CAMK2D: variants seen among roughly 807,000 people sequenced by gnomAD.
CAMK2D encodes the protein calcium/calmodulin dependent protein kinase II delta, also known as calcium/calmodulin-dependent protein kinase type II subunit delta.
CAMK2D carries 37 observed loss-of-function variants against 84.0 expected under a neutral mutation model. That is an observed-to-expected ratio of 0.44 (90% CI 0.34 to 0.58). The LOEUF is 0.58. Among genes scored for constraint, CAMK2D ranks in the 20% least tolerant of loss-of-function variants. The pLI, the probability that CAMK2D is intolerant of heterozygous loss-of-function variation, is 0.02. For missense variants in CAMK2D, 448 were observed against 652.5 expected, an observed-to-expected ratio of 0.69 and a Z score of 3.41; for synonymous variants, 202 against 212.5, an observed-to-expected ratio of 0.95 and a Z score of 0.43.
intron 2 of CAMK2D, among the ~76,000 whole-genome samples, chr4:113,710,887 A>G (rs1324680951): frequency 6.6e-5 from 10 of 152,316 alleles, no homozygotes; most frequent in Admixed American, 5.9e-4. Context: ...CAACTTCAAT[A>G]GTAAGAGATC....
chr4:113,740,725 C>A (rs913063466), intron 2 of CAMK2D, among the ~76,000 whole-genome samples: 5 of 152,090 alleles, frequency 3.3e-5, no homozygotes, highest in Admixed American at 6.6e-5. Flanking sequence ...CACCTCACAA[C>A]CTTTCCATCA....
intron 2 of CAMK2D, among the ~76,000 whole-genome samples, chr4:113,686,861 T>TACACACAC (rs36009295): frequency 1.3e-5 from 2 of 148,630 alleles, no homozygotes; most frequent in African/African-American, 4.9e-5. Context: ...GGTATGTGTA[T>TACACACAC]ACACACACAC....
rs375784442 is a variant in CAMK2D at position 113,636,325 on chromosome 4, GC to G, written c.220+25387del. Among the ~76,000 whole-genome samples the G allele has an allele frequency of 3.8e-3, 576 of 152,242 alleles. 3 individuals are homozygous for G. The highest frequency in any genetic ancestry group is 0.012 in the South Asian group (60 of 4,814). ...CTGACCACTGTGTTCTATTTCCATT[GC>G]TGCTACCTCAATTCAAGCCACCGAT... On this transcript the variant is annotated intron_variant, in intron 3 of 20. Coordinates refer to ENST00000511664, the MANE Select transcript of CAMK2D (RefSeq NM_001321571.2).
At chr4:113,717,613 T>C (rs2099517639) in intron 2 of CAMK2D, among the ~76,000 whole-genome samples, 1 of 152,158 alleles carries the variant, frequency 6.6e-6, no homozygotes, top group South Asian at 2.1e-4. Context: ...TGAATACCAC[T>C]TGAAATGATT....
intron 2 of CAMK2D, among the ~76,000 whole-genome samples, chr4:113,748,999 C>A (rs1243571894): frequency 6.6e-6 from 1 of 151,756 alleles, no homozygotes; most frequent in Non-Finnish European, 1.5e-5. Context: ...AAATATTCAT[C>A]ATGGATACAA....
intron 3 of CAMK2D, among the ~76,000 whole-genome samples, chr4:113,631,602 C>T (rs537478857): frequency 3.4e-4 from 52 of 152,232 alleles, no homozygotes; most frequent in South Asian, 6.2e-4. Context: ...GCAAGTCATA[C>T]GCCTCAGAAG....
At chr4:113,516,470 G>C (rs1322954364) in intron 9 of CAMK2D, among the ~76,000 whole-genome samples, 1 of 152,188 alleles carries the variant, frequency 6.6e-6, no homozygotes, top group East Asian at 1.9e-4. Flanking sequence ...CGTCTGCCCA[G>C]AGAGGGGCTG....
intron 8 of CAMK2D, among the ~76,000 whole-genome samples, chr4:113,526,475 C>A (rs1347752400): frequency 6.6e-6 from 1 of 150,546 alleles, no homozygotes; most frequent in Non-Finnish European, 1.5e-5. Context: ...TACGTAGTAT[C>A]TATCTAATAT....
chr4:113,667,422 C>T (rs930870964), intron 2 of CAMK2D, among the ~76,000 whole-genome samples: 1 of 152,174 alleles, frequency 6.6e-6, no homozygotes, highest in African/African-American at 2.4e-5. Flanking sequence ...CCTAGAGATC[C>T]TCTCTTAAAG....
Position 113,636,635 on chromosome 4 carries a change from C to T in CAMK2D, c.220+25078G>A, listed in dbSNP as rs1490435013. Among the ~76,000 whole-genome samples, 3 of 152,182 alleles carry T rather than the reference C, an allele frequency of 2.0e-5. No homozygotes were observed. In the East Asian group the frequency reaches 5.8e-4, roughly 29 times the overall value. On this transcript the variant is annotated intron_variant, in intron 3 of 20. Transcript: ENST00000511664. ...AAATTTGGTTTCAGATGAAGACCTG[C>T]TTCCTGGCTTGCAGATAGATGGCCC...
At chr4:113,643,896 C>A (rs1234734590) in intron 3 of CAMK2D, among the ~76,000 whole-genome samples, 1 of 152,098 alleles carries the variant, frequency 6.6e-6, no homozygotes, top group Non-Finnish European at 1.5e-5. Flanking sequence ...TTATGGGGAC[C>A]CAGGCCAGCT....
intron 15 of CAMK2D, 68 bp from the exon 16 acceptor site, chr4:113,500,579 G>T (rs1173176826): frequency 2.9e-6 from 3 of 1,036,422 alleles, no homozygotes; most frequent in African/African-American, 3.2e-5. Flanking sequence ...TTAAAAATTG[G>T]CTAGTGACAT....
intron 8 of CAMK2D, among the ~76,000 whole-genome samples, chr4:113,523,735 G>A (rs1560701829): frequency 6.6e-6 from 1 of 152,036 alleles, no homozygotes; most frequent in Non-Finnish European, 1.5e-5. Flanking sequence ...TGGTGCCACT[G>A]CACCCCAGCT....
chr4:113,667,988 GA>G (rs146513989), intron 2 of CAMK2D, among the ~76,000 whole-genome samples: 13,451 of 152,010 alleles, frequency 0.088, 762 homozygotes, highest in East Asian at 0.22. Flanking sequence ...ATTTAGAAGT[GA>G]AACTTTTTGA....
At chr4:113,471,459 G>C (rs2097545868) in intron 16 of CAMK2D, among the ~76,000 whole-genome samples, 1 of 152,098 alleles carries the variant, frequency 6.6e-6, no homozygotes, top group African/African-American at 2.4e-5. Context: ...TTCAGACCCA[G>C]GGTGCCCAAA....
At chr4:113,627,343 T>G (rs1561455730) in intron 3 of CAMK2D, among the ~76,000 whole-genome samples, 2 of 152,188 alleles carry the variant, frequency 1.3e-5, no homozygotes, top group South Asian at 4.1e-4. Flanking sequence ...TCTGCAGTAG[T>G]TATGTTCTAT....
chr4:113,483,706 G>A (rs368926466), intron 16 of CAMK2D, among the ~76,000 whole-genome samples: 10 of 151,948 alleles, frequency 6.6e-5, no homozygotes, highest in Admixed American at 1.3e-4. Context: ...GTGCCTGGCC[G>A]TATTTATTTT....
chr4:113,488,203 A>C (rs1430391339), intron 16 of CAMK2D, among the ~76,000 whole-genome samples: 4 of 152,192 alleles, frequency 2.6e-5, no homozygotes, highest in Non-Finnish European at 5.9e-5. Context: ...AAATAGATAC[A>C]TGAACAAAAA....
intron 4 of CAMK2D, among the ~76,000 whole-genome samples, chr4:113,554,377 C>T (rs1441803262): frequency 2.6e-5 from 4 of 151,984 alleles, no homozygotes; most frequent in Middle Eastern, 3.4e-3. Context: ...CTAAGGGGTT[C>T]GTATTTAAAG....
Sources: gnomAD v4.1 joint callset for allele counts (sites outside exome capture counted in the v4.1 genomes callset) on GRCh38, gnomAD v4.1.1 for gene constraint, MANE v1.5 for transcripts, NCBI Gene and HGNC (gene_info 2026-07-23, HGNC 2026-07-21) for gene names.